Variants in ATAD2 observed in about 807,000 individuals in gnomAD.
ATAD2 encodes the protein ATPase family AAA domain containing 2.
In ATAD2, 62 loss-of-function variants were observed where a neutral mutation model predicts 168.9. The ratio of observed to expected loss-of-function variants is 0.37; its 90% confidence interval spans 0.30 to 0.45. ATAD2 has a LOEUF of 0.45. ATAD2 is among the 20% of genes least tolerant of loss of function. The pLI is 1.00. For missense variants in ATAD2, 1,419 were observed against 1,667.8 expected (o/e 0.85, Z 2.60); for synonymous variants, 613 against 571.6 (o/e 1.07, Z -1.03).
chr8:123,409,717 C>T (rs887262560), intron 1 of ATAD2, among the ~76,000 whole-genome samples: 1 of 151,786 alleles, frequency 6.6e-6, no homozygotes, highest in African/African-American at 2.4e-5. Flanking sequence ...TCTGTAATCC[C>T]AGCACTTTGG....
At chr8:123,408,975 G>A (rs982480137) in intron 1 of ATAD2, among the ~76,000 whole-genome samples, 4 of 151,720 alleles carry the variant, frequency 2.6e-5, no homozygotes, top group Non-Finnish European at 5.9e-5. Flanking sequence ...CTACAGGCGC[G>A]TGCCACCACG....
chr8:123,412,194 G>T (rs1813168755), intron 1 of ATAD2, among the ~76,000 whole-genome samples: 1 of 152,180 alleles, frequency 6.6e-6, no homozygotes, highest in African/African-American at 2.4e-5. Context: ...AACAGATATT[G>T]CAGAGACACT....
chr8:123,359,473 A>G (rs1478256109), intron 10 of ATAD2, 104 bp downstream of exon 10: 1 of 1,275,460 alleles, frequency 7.8e-7, no homozygotes, highest in African/African-American at 1.5e-5. Flanking sequence ...TGTAAAGGTT[A>G]GAGTTTTGAC....
intron 1 of ATAD2, among the ~76,000 whole-genome samples, chr8:123,387,118 T>G (rs992754434): frequency 1.3e-5 from 2 of 152,066 alleles, no homozygotes; most frequent in African/African-American, 2.4e-5. Flanking sequence ...GCAAAAACCA[T>G]TTTTTTCCTA....
intron 25 of ATAD2, among the ~76,000 whole-genome samples, chr8:123,326,743 T>C (rs977000452): frequency 3.3e-5 from 5 of 152,136 alleles, no homozygotes; most frequent in African/African-American, 9.7e-5. Flanking sequence ...CCCAGCAGGG[T>C]TGAGTAGTTG....
chr8:123,400,143 G>A (rs901746735), upstream of ATAD2, among the ~76,000 whole-genome samples: 4 of 152,226 alleles, frequency 2.6e-5, no homozygotes, highest in South Asian at 2.1e-4. This position sits in a 1 kb window ranked among gnomAD's most constrained non-coding sequence, Gnocchi z 4.5. Context: ...CAGCCTTGGC[G>A]ACAGAGTGGG....
rs753013429 is a variant in ATAD2 at position 123,396,352 on chromosome 8, C to T, written c.6G>A (p.Val2=). M[V]VLRSSLELHN... Reference sequence around the variant, plus strand: ...GCAGCTCCAAGCTGCTGCGGAGAACCACCATCTTCTCTCCCTACTGGCCTC... The same window carrying T: ...GCAGCTCCAAGCTGCTGCGGAGAACTACCATCTTCTCTCCCTACTGGCCTC... Residue 2 remains valine (V), a synonymous_variant, in exon 1 of 28, where the codon GTG becomes GTA. Coordinates refer to ENST00000287394, the MANE Select transcript of ATAD2 (RefSeq NM_014109.4). 6.3e-7 allele frequency: 1 copy of T among 1,590,592 alleles called. No individual in the cohort carries two copies. The highest frequency in any genetic ancestry group is 1.1e-5 in the South Asian group (1 of 89,940).
At chr8:123,406,172 T>C (rs1223735223) in intron 1 of ATAD2, among the ~76,000 whole-genome samples, 2 of 151,288 alleles carry the variant, frequency 1.3e-5, no homozygotes, top group Non-Finnish European at 2.9e-5. Flanking sequence ...ACACCAGGAG[T>C]TCGAGACTAG....
chr8:123,371,013 C>T, intron 5 of ATAD2, 23 bp from the exon 6 acceptor site: 1 of 1,495,730 alleles, frequency 6.7e-7, no homozygotes, highest in South Asian at 1.2e-5. Flanking sequence ...AAATAAAAGC[C>T]ATTAACATTT....
chr8:123,392,521 C>T (rs750591714), intron 1 of ATAD2, among the ~76,000 whole-genome samples: 5 of 151,746 alleles, frequency 3.3e-5, no homozygotes, highest in Non-Finnish European at 5.9e-5. Flanking sequence ...TTACCTACCT[C>T]ATAAGGTTGT....
upstream of ATAD2, among the ~76,000 whole-genome samples, chr8:123,397,649 A>T (rs956167318): frequency 6.6e-6 from 1 of 152,236 alleles, no homozygotes; most frequent in Admixed American, 6.5e-5. Flanking sequence ...AGCCTCTATT[A>T]TGTACCAGGC....
At chr8:123,350,015 C>CA (rs1056880130) in intron 13 of ATAD2, among the ~76,000 whole-genome samples, 3 of 150,104 alleles carry the variant, frequency 2.0e-5, no homozygotes, top group Non-Finnish European at 3.0e-5. Context: ...GACCTTGTCT[C>CA]AAAAAAATAA....
intron 26 of ATAD2, 60 bp from the exon 27 acceptor site, chr8:123,323,126 T>A: frequency 6.6e-7 from 1 of 1,513,268 alleles, no homozygotes; most frequent in Non-Finnish European, 8.9e-7. Flanking sequence ...ACAAGATACT[T>A]AATTTAGAAG....
In ATAD2 at chr8:123,347,294, A is replaced by C. The variant is rs1222418166; in HGVS notation, c.2010T>G (p.Ser670=). ...TTSEKLQLDL[S]SINISAKDFE... ...AATCCTTAGCTGAGATATTAATTGAAGAGAGATCCAACTGCAGTTTCTCAC... is the reference window on the plus strand; with the variant it reads ...AATCCTTAGCTGAGATATTAATTGACGAGAGATCCAACTGCAGTTTCTCAC... The change falls in exon 16 of 28, where the codon TCT becomes TCG. Residue 670 remains serine, a synonymous_variant. Transcript: ENST00000287394. 1 of 1,614,050 alleles carries C rather than the reference A, an allele frequency of 6.2e-7. No individual in the cohort carries two copies. The highest frequency in any genetic ancestry group is 8.5e-7 in the Non-Finnish European group (1 of 1,180,024).
chr8:123,391,981 G>T lies in ATAD2; in HGVS notation c.171+4206C>A, dbSNP rs1328885019. ...CTGGGAACTGTGGTGGGGGTTGAGG[G>T]GGATCCTTTCTACCCTACAACATCC... On this transcript the variant is annotated intron_variant, in intron 1 of 27. Coordinates refer to ENST00000287394, the MANE Select transcript of ATAD2 (RefSeq NM_014109.4). Among the ~76,000 whole-genome samples, 3 of 152,258 alleles carry T rather than the reference G, an allele frequency of 2.0e-5. 1 individual carries two copies. The highest frequency in any genetic ancestry group is 4.2e-4 in the South Asian group (2 of 4,816).
At chr8:123,337,893 C>G in intron 20 of ATAD2, 72 bp from the exon 21 acceptor site, 2 of 1,407,010 alleles carry the variant, frequency 1.4e-6, no homozygotes, top group Non-Finnish European at 1.9e-6. Context: ...TTAATGAAAA[C>G]AGAGTCAGGA....
intron 24 of ATAD2, among the ~76,000 whole-genome samples, chr8:123,333,070 A>AAC (rs1244254993): frequency 6.6e-6 from 1 of 151,774 alleles, no homozygotes; most frequent in Non-Finnish European, 1.5e-5. Context: ...CCCTAACCTT[A>AAC]ACACACACAC....
chr8:123,370,510 G>A (rs1418953792), intron 6 of ATAD2, among the ~76,000 whole-genome samples: 1 of 152,020 alleles, frequency 6.6e-6, no homozygotes, highest in Non-Finnish European at 1.5e-5. Flanking sequence ...GGTAAAACAT[G>A]CTCACCAAAC....
chr8:123,346,943 G>T, intron 16 of ATAD2, 149 bp downstream of exon 16: 1 of 1,073,484 alleles, frequency 9.3e-7, no homozygotes, highest in Non-Finnish European at 1.3e-6. Context: ...GGCAATCCAT[G>T]GAGTAAATTT....
Sources: allele counts gnomAD v4.1 joint callset (sites outside exome capture counted in the v4.1 genomes callset), GRCh38; gene constraint gnomAD v4.1.1; non-coding constraint Gnocchi (gnomAD v3.1); transcripts MANE v1.5; gene names NCBI Gene and HGNC (gene_info 2026-07-23, HGNC 2026-07-21).